The following POPDC2 variants were observed in gnomAD, a reference collection of about 807,000 sequenced individuals.
POPDC2 encodes popeye domain-containing protein 2.
Under a neutral mutation model 30.5 loss-of-function variants are expected in POPDC2, and 24 were observed. The observed-to-expected ratio is 0.79, with a 90% CI of 0.57 to 1.11. The LOEUF (loss-of-function observed/expected upper bound fraction) is 1.11. Among genes scored for constraint, POPDC2 ranks in the 50% least tolerant of loss-of-function variants. POPDC2 has a pLI of 0.00. For missense variants in POPDC2, 409 were observed against 447.0 expected, an observed-to-expected ratio of 0.91 and a Z score of 0.77; for synonymous variants, 185 against 183.3, an observed-to-expected ratio of 1.01 and a Z score of -0.07.
At chr3:119,649,627 C>G (rs1044078808) in intron 2 of POPDC2, among the ~76,000 whole-genome samples, 4 of 152,014 alleles carry the variant, frequency 2.6e-5, no homozygotes, top group Non-Finnish European at 4.4e-5. Flanking sequence ...TGGATGGAGA[C>G]AGTGGAAATG....
intron 3 of POPDC2, among the ~76,000 whole-genome samples, chr3:119,643,731 A>T (rs572283379): frequency 7.9e-5 from 12 of 152,192 alleles, no homozygotes; most frequent in Non-Finnish European, 1.5e-4. Context: ...ACCCTGACAC[A>T]ATAATCCAAG....
intron 1 of POPDC2, among the ~76,000 whole-genome samples, chr3:119,658,206 C>G (rs1250844752): frequency 2.6e-5 from 4 of 152,176 alleles, no homozygotes; most frequent in African/African-American, 4.8e-5. Context: ...AGACTAGAAG[C>G]CTTTTCCTCT....
intron 3 of POPDC2, among the ~76,000 whole-genome samples, chr3:119,646,905 A>G (rs2052751729): frequency 6.6e-6 from 1 of 152,106 alleles, no homozygotes; most frequent in Non-Finnish European, 1.5e-5. Context: ...GCACAGAGGG[A>G]AAGGAGTGAT....
Position 119,660,102 on chromosome 3 carries a change from A to G in POPDC2, c.322T>C (p.Phe108Leu). Reference protein sequence around the residue: ...RLREDTLPEEFDLLYKTLCLP... With the variant: ...RLREDTLPEELDLLYKTLCLP... ...CACAGCGTCTTGTAGAGGAGGTCAA[A>G]CTCCTCAGGGAGGGTGTCCTCACGC... Residue 108 changes from phenylalanine to leucine, a missense_variant, in exon 1 of 4, where the codon TTT (phenylalanine) becomes CTT (leucine). Physicochemically the swap from Phe to Leu is conservative, Grantham distance 22. Coordinates refer to ENST00000493094, the MANE Select transcript of POPDC2 (RefSeq NM_001369919.2). 2 of 1,614,114 alleles carry G rather than the reference A, an allele frequency of 1.2e-6. No individual in the cohort carries two copies. The highest frequency in any genetic ancestry group is 1.1e-5 in the South Asian group (1 of 91,074).
chr3:119,642,961 G>T (rs2052707540), intron 3 of POPDC2, among the ~76,000 whole-genome samples: 1 of 152,230 alleles, frequency 6.6e-6, no homozygotes, highest in South Asian at 2.1e-4. Context: ...AATGAGGCCT[G>T]TAAGACAGAA....
rs1198685930 is a variant in POPDC2, at chr3:119,648,508, G to T, written c.761C>A (p.Ala254Asp). Reference protein sequence around the residue: ...KLYTLNDKLFAKFGLRFDIRL... With the variant: ...KLYTLNDKLFDKFGLRFDIRL... Reference sequence around the variant, plus strand: ...GATGTCAAAGCGCAGCCCAAACTTAGCAAAGAGCTTGTCATTGAGAGTGTA... The same window carrying T: ...GATGTCAAAGCGCAGCCCAAACTTATCAAAGAGCTTGTCATTGAGAGTGTA... The change falls in exon 3 of 4, where the codon GCT becomes GAT. Residue 254 changes from alanine to aspartate, a missense_variant. Transcript: ENST00000493094. 6.2e-7 allele frequency: 1 copy of T among 1,614,142 alleles called. No individual in the cohort carries two copies. Among genetic ancestry groups the T allele is most frequent in the South Asian group, 1.1e-5 (1 of 91,076 alleles).
chr3:119,646,861 G>T (rs1277593262), intron 3 of POPDC2, among the ~76,000 whole-genome samples: 1 of 152,186 alleles, frequency 6.6e-6, no homozygotes, highest in Non-Finnish European at 1.5e-5. Context: ...AGCATGCGTG[G>T]ATGCAGGATG....
chr3:119,659,138 G>T (rs1458935854), intron 1 of POPDC2, among the ~76,000 whole-genome samples: 1 of 152,186 alleles, frequency 6.6e-6, no homozygotes, highest in Non-Finnish European at 1.5e-5. Flanking sequence ...CATCCAGGTT[G>T]ACTGGGCATA....
intron 2 of POPDC2, among the ~76,000 whole-genome samples, chr3:119,654,028 G>C (rs531449938): frequency 6.6e-6 from 1 of 152,270 alleles, no homozygotes; most frequent in Admixed American, 6.5e-5. Flanking sequence ...CTTCACAGTG[G>C]AAGTGAGGTT....
Position 119,660,158 on chromosome 3 carries a change from A to AG in POPDC2, c.265dup (p.Leu89ProfsTer13). 1 of 1,614,220 alleles carries AG rather than the reference A, an allele frequency of 6.2e-7. No homozygotes were observed. Among genetic ancestry groups the AG allele is most frequent in the Non-Finnish European group, 8.5e-7 (1 of 1,180,030 alleles). Reference sequence around the variant, plus strand: ...GTATACCAGGTGTGCCAGCTGGAGCAGGCAGACCACAGCCAGCAGGAAGCT... The same window carrying AG: ...GTATACCAGGTGTGCCAGCTGGAGCAGGGCAGACCACAGCCAGCAGGAAGCT... On this transcript the variant is annotated frameshift_variant, in exon 1 of 4. Coordinates refer to ENST00000493094, the MANE Select transcript of POPDC2 (RefSeq NM_001369919.2). LOFTEE classifies it high-confidence loss of function.
At chr3:119,659,706 G>A (rs2052919152) in intron 1 of POPDC2, among the ~76,000 whole-genome samples, 1 of 152,166 alleles carries the variant, frequency 6.6e-6, no homozygotes, top group Non-Finnish European at 1.5e-5. Flanking sequence ...AATCATTCTT[G>A]CCAACCAAGA....
intron 1 of POPDC2, among the ~76,000 whole-genome samples, chr3:119,657,287 T>C (rs1348853032): frequency 6.6e-6 from 1 of 152,166 alleles, no homozygotes; most frequent in Non-Finnish European, 1.5e-5. Flanking sequence ...CATAGGCAAG[T>C]GATAAGTCCT....
chr3:119,655,573 G>A (rs2052870107), intron 1 of POPDC2, among the ~76,000 whole-genome samples: 1 of 152,160 alleles, frequency 6.6e-6, no homozygotes, highest in South Asian at 2.1e-4. Flanking sequence ...GAAGATTCAT[G>A]CTTACATTTA....
intron 1 of POPDC2, among the ~76,000 whole-genome samples, chr3:119,657,025 G>A (rs971182612): frequency 6.6e-6 from 1 of 152,208 alleles, no homozygotes; most frequent in Non-Finnish European, 1.5e-5. Flanking sequence ...CAGTAACAGA[G>A]GAGAGAGAAA....
At chr3:119,653,072 A>ATGTG (rs35823737) in intron 2 of POPDC2, among the ~76,000 whole-genome samples, 1 of 101,138 alleles carries the variant, frequency 9.9e-6, no homozygotes, top group Admixed American at 1.2e-4. Flanking sequence ...GTGTGTGTGT[A>ATGTG]TGTGTGTGTG....
At chr3:119,654,690 G>A (rs930647147) in intron 1 of POPDC2, 77 bp from the exon 2 acceptor site, 41 of 1,010,464 alleles carry the variant, frequency 4.1e-5, no homozygotes, top group Admixed American at 5.4e-5. Flanking sequence ...GTTAGGTGTC[G>A]CTGATTAACA....
rs143621425 is a variant in POPDC2, at chr3:119,653,039, C to T, written c.600+1466G>A. ...AAAAGGGTGAGTGAGTGTGTGTGCG[C>T]GTGTGTGCATGCGTGTGCATGTGTG... On this transcript the variant is annotated intron_variant, in intron 2 of 3. Coordinates refer to ENST00000493094, the MANE Select transcript of POPDC2 (RefSeq NM_001369919.2). Among the ~76,000 whole-genome samples, 927 of 150,136 alleles carry T rather than the reference C, an allele frequency of 6.2e-3. 6 individuals carry two copies. Among genetic ancestry groups the T allele is most frequent in the African/African-American group, 0.022 (890 of 41,182 alleles).
chr3:119,643,733 T>C (rs1473528989), intron 3 of POPDC2, among the ~76,000 whole-genome samples: 2 of 152,120 alleles, frequency 1.3e-5, no homozygotes, highest in Non-Finnish European at 2.9e-5. Context: ...CCTGACACAA[T>C]AATCCAAGGC....
intron 2 of POPDC2, among the ~76,000 whole-genome samples, chr3:119,651,555 T>C (rs1432179177): frequency 6.6e-6 from 1 of 152,214 alleles, no homozygotes; most frequent in East Asian, 1.9e-4. Flanking sequence ...TTTCAATAAA[T>C]ATTATTGAAG....
Sources: gnomAD v4.1 joint callset for allele counts (sites outside exome capture counted in the v4.1 genomes callset) on GRCh38, gnomAD v4.1.1 for gene constraint, MANE v1.5 for transcripts, NCBI Gene and HGNC (gene_info 2026-07-23, HGNC 2026-07-21) for gene names.